The following TAFA1 variants were observed in gnomAD, a reference collection of about 807,000 sequenced individuals.
The protein encoded by TAFA1 is TAFA chemokine like family member 1, also known as chemokine-like protein TAFA-1.
Under a neutral mutation model 18.5 loss-of-function variants are expected in TAFA1, and 4 were observed. The ratio of observed to expected loss-of-function variants is 0.22; its 90% confidence interval spans 0.11 to 0.49. TAFA1 has a LOEUF of 0.49. Among genes scored for constraint, TAFA1 ranks in the 20% least tolerant of loss-of-function variants. TAFA1 has a pLI of 0.98. For missense variants in TAFA1, 147 were observed against 169.0 expected (o/e 0.87, Z 0.72); for synonymous variants, 56 against 55.2 (o/e 1.01, Z -0.06).
At chr3:68,435,314 G>T (rs1357255397) in intron 3 of TAFA1, among the ~76,000 whole-genome samples, 5 of 152,072 alleles carry the variant, frequency 3.3e-5, no homozygotes, top group Non-Finnish European at 7.4e-5. Flanking sequence ...GTGTGGGATG[G>T]GTCTGGAAAG....
intron 2 of TAFA1, among the ~76,000 whole-genome samples, chr3:68,159,522 T>G (rs6797553): frequency 0.19 from 29,204 of 152,138 alleles, 3,230 homozygotes; most frequent in Middle Eastern, 0.29. Flanking sequence ...TTTAAATTAT[T>G]TTTTCTTCTT....
chr3:68,080,441 A>G (rs1336239207), intron 2 of TAFA1, among the ~76,000 whole-genome samples: 1 of 151,996 alleles, frequency 6.6e-6, no homozygotes, highest in African/African-American at 2.4e-5. Context: ...TGATTTTGCA[A>G]TGGCTGGTAC....
chr3:68,182,876 G>T (rs1026565263), intron 2 of TAFA1, among the ~76,000 whole-genome samples: 2 of 152,134 alleles, frequency 1.3e-5, no homozygotes, highest in Non-Finnish European at 2.9e-5. Flanking sequence ...ATATGGTGGT[G>T]ATAAGAATAG....
intron 3 of TAFA1, among the ~76,000 whole-genome samples, chr3:68,467,083 G>C (rs1023469051): frequency 6.6e-6 from 1 of 152,138 alleles, no homozygotes; most frequent in Non-Finnish European, 1.5e-5. Flanking sequence ...GAGAAATATG[G>C]CTCTGTCCTG....
chr3:68,201,009 T>C (rs2107039192), intron 2 of TAFA1, among the ~76,000 whole-genome samples: 1 of 151,704 alleles, frequency 6.6e-6, no homozygotes, highest in African/African-American at 2.4e-5. Flanking sequence ...CATTCAATGC[T>C]GTAAACTTCT....
At chr3:68,295,868 C>A (rs1458103360) in intron 2 of TAFA1, among the ~76,000 whole-genome samples, 2 of 152,124 alleles carry the variant, frequency 1.3e-5, no homozygotes, top group African/African-American at 4.8e-5. Context: ...CCTTGGCCTC[C>A]TGTATTCCTG....
At chr3:67,995,171 A>T in the TAFA1 span, among the ~76,000 whole-genome samples, 1 of 152,252 alleles carries the variant, frequency 6.6e-6, no homozygotes, top group Non-Finnish European at 1.5e-5. Flanking sequence ...CACAGAGAAC[A>T]TATCTCTTAG....
intron 2 of TAFA1, among the ~76,000 whole-genome samples, chr3:68,396,227 A>G (rs1217872402): frequency 2.6e-5 from 4 of 152,162 alleles, no homozygotes; most frequent in Non-Finnish European, 4.4e-5. Context: ...AATTTTAAAA[A>G]TTGAAATGTA....
intron 3 of TAFA1, among the ~76,000 whole-genome samples, chr3:68,419,511 C>T (rs17047665): frequency 0.15 from 22,257 of 152,040 alleles, 2,152 homozygotes; most frequent in East Asian, 0.33. Flanking sequence ...GAGTCCAAGG[C>T]GCAAAGGGAC....
chr3:68,515,149 T>A (rs916264352), intron 3 of TAFA1, among the ~76,000 whole-genome samples: 2 of 152,060 alleles, frequency 1.3e-5, no homozygotes, highest in Non-Finnish European at 2.9e-5. Context: ...CACTTCCCAG[T>A]ATGGTAGTGT....
At chr3:68,081,829 G>T (rs1232616555) in intron 2 of TAFA1, among the ~76,000 whole-genome samples, 1 of 152,246 alleles carries the variant, frequency 6.6e-6, no homozygotes, top group East Asian at 1.9e-4. Context: ...CTTGAGCTGT[G>T]GTGGGCTCCA....
intron 2 of TAFA1, among the ~76,000 whole-genome samples, chr3:68,118,091 C>T (rs533665490): frequency 6.6e-6 from 1 of 152,184 alleles, no homozygotes; most frequent in East Asian, 1.9e-4. Flanking sequence ...TTATTGTGCA[C>T]TTTATATTTC....
Position 68,281,833 on chromosome 3 carries a change from A to G in TAFA1, c.119-135447A>G, listed in dbSNP as rs1393736418. On this transcript the variant is annotated intron_variant, in intron 2 of 4. Coordinates refer to ENST00000478136, the MANE Select transcript of TAFA1 (RefSeq NM_213609.4). ...TGTGGCACCATTATTCACTTTTTTG[A>G]CTTCCTTATAATAAAGGATTGATAT... Among the ~76,000 whole-genome samples, 3 of 152,096 alleles carry G rather than the reference A, an allele frequency of 2.0e-5. No homozygotes were observed. The South Asian group carries it at 6.2e-4, about 32-fold the overall frequency.
intron 2 of TAFA1, among the ~76,000 whole-genome samples, chr3:68,178,013 G>A (rs568608591): frequency 2.6e-4 from 39 of 151,994 alleles, no homozygotes; most frequent in Non-Finnish European, 4.9e-4. Context: ...GTGTGGTGGT[G>A]GGCGCCTATA....
chr3:68,208,217 G>C (rs2066550481), intron 2 of TAFA1, among the ~76,000 whole-genome samples: 1 of 151,840 alleles, frequency 6.6e-6, no homozygotes, highest in Non-Finnish European at 1.5e-5. Flanking sequence ...GTACAAACCT[G>C]GTCATTTTAT....
At chr3:68,063,007 C>CTTT (rs2064625234) in intron 2 of TAFA1, among the ~76,000 whole-genome samples, 2 of 151,984 alleles carry the variant, frequency 1.3e-5, no homozygotes, top group African/African-American at 4.8e-5. Flanking sequence ...AGACAGGTAA[C>CTTT]CTAAAAAGAA....
rs181877548 is a variant in TAFA1 at position 68,351,387 on chromosome 3, C to T, written c.119-65893C>T. Among the ~76,000 whole-genome samples, 1,018 of 152,126 alleles carry T rather than the reference C, an allele frequency of 6.7e-3. 10 individuals are homozygous for T. Among genetic ancestry groups the T allele is most frequent in the African/African-American group, 0.024 (980 of 41,518 alleles). On this transcript the variant is annotated intron_variant, in intron 2 of 4. Coordinates refer to ENST00000478136, the MANE Select transcript of TAFA1 (RefSeq NM_213609.4). The stretch of plus-strand genomic sequence containing the variant: ...ATCAGATAAATTGGGGTAAACACCA[C>T]ACCAGAGAATTTCTTAGTGTATTAA...
At chr3:68,310,988 C>T (rs74534728) in intron 2 of TAFA1, among the ~76,000 whole-genome samples, 3,944 of 152,252 alleles carry the variant, frequency 0.026, 91 homozygotes, top group East Asian at 0.098. Context: ...TTTAATTGGA[C>T]TTACAGTTCC....
chr3:68,142,202 C>T (rs1267423269), intron 2 of TAFA1, among the ~76,000 whole-genome samples: 2 of 152,170 alleles, frequency 1.3e-5, no homozygotes, highest in African/African-American at 4.8e-5. Context: ...TGCTTTGTTT[C>T]TCATTCAAGC....
Sources: allele counts gnomAD v4.1 joint callset (sites outside exome capture counted in the v4.1 genomes callset), GRCh38; gene constraint gnomAD v4.1.1; transcripts MANE v1.5; gene names NCBI Gene and HGNC (gene_info 2026-07-23, HGNC 2026-07-21).